TNFSF15: variants seen among roughly 807,000 people sequenced by gnomAD.
TNFSF15 encodes the protein tumor necrosis factor ligand superfamily member 15.
In TNFSF15, 15 loss-of-function variants were observed where a neutral mutation model predicts 26.4. The observed-to-expected ratio is 0.57, with a 90% confidence interval of 0.38 to 0.87. The LOEUF (loss-of-function observed/expected upper bound fraction) is 0.87. Among genes scored for constraint, TNFSF15 ranks in the 40% least tolerant of loss-of-function variants. TNFSF15 has a pLI of 0.00. For missense variants in TNFSF15, 290 were observed against 306.1 expected, an observed-to-expected ratio of 0.95 and a Z score of 0.39; for synonymous variants, 116 against 115.0, an observed-to-expected ratio of 1.01 and a Z score of -0.06.
rs1482384432 is a variant in TNFSF15 at position 114,790,367 on chromosome 9, A to C, written c.*85T>G. ...TGCCCCCTACTCCCGGCCCCAAGAAAACCCCTGGTTATAATTACATTTGAA... is the reference window on the plus strand; with the variant it reads ...TGCCCCCTACTCCCGGCCCCAAGAACACCCCTGGTTATAATTACATTTGAA... On this transcript the variant is annotated 3_prime_UTR_variant, in exon 4 of 4. Coordinates refer to ENST00000374045, the MANE Select transcript of TNFSF15 (RefSeq NM_005118.4). The C allele has an allele frequency of 9.3e-6, 13 of 1,395,242 alleles. No homozygotes were observed. The highest frequency in any genetic ancestry group is 1.2e-5 in the Non-Finnish European group (12 of 1,028,594). The allele number at this position is 1,395,242 out of a possible 1,614,324, so 86.4% of individuals were successfully genotyped here. A position where few individuals can be genotyped will look rare whatever the true frequency, so the allele number is the denominator to read the frequency against.
intron 1 of TNFSF15, among the ~76,000 whole-genome samples, chr9:114,800,114 C>T (rs1437117481): frequency 1.3e-5 from 2 of 151,894 alleles, no homozygotes; most frequent in Admixed American, 6.6e-5. Context: ...TAAGAGGGCT[C>T]ATCCCAGGTG....
At chr9:114,800,665 A>G (rs944824224) in intron 1 of TNFSF15, among the ~76,000 whole-genome samples, 3 of 152,224 alleles carry the variant, frequency 2.0e-5, no homozygotes, top group Non-Finnish European at 4.4e-5. Context: ...AACTGAGGTG[A>G]TGCATGTAGT....
Position 114,790,801 on chromosome 9 carries a change from T to C in TNFSF15, c.407A>G (p.Asn136Ser), listed in dbSNP as rs1829585554. Reference sequence around the variant, plus strand: ...CGACTCTGGGATCAGCAGGAATTTGTTGGTATAGTTCATTCGGTTCTTGGT... The same window carrying C: ...CGACTCTGGGATCAGCAGGAATTTGCTGGTATAGTTCATTCGGTTCTTGGT... ...AFTKNRMNYTNKFLLIPESGD... is the reference protein window; with the variant it reads ...AFTKNRMNYTSKFLLIPESGD... Residue 136 changes from asparagine to serine, a missense_variant, in exon 4 of 4, where the codon AAC becomes AGC. This residue lies in a region of TNFSF15 where 179 missense variants were observed against 165.9 expected (regional missense o/e 1.08). Coordinates refer to ENST00000374045, the MANE Select transcript of TNFSF15 (RefSeq NM_005118.4). 6.2e-7 allele frequency: 1 copy of C among 1,613,998 alleles called. No individual in the cohort carries two copies. Among genetic ancestry groups the C allele is most frequent in the African/African-American group, 1.3e-5 (1 of 74,900 alleles).
At chr9:114,799,015 C>T (rs1228214034) in intron 1 of TNFSF15, among the ~76,000 whole-genome samples, 1 of 152,218 alleles carries the variant, frequency 6.6e-6, no homozygotes, top group Non-Finnish European at 1.5e-5. Context: ...TTTGTCTCTT[C>T]CTTCTGCTTC....
rs967050983 is a variant in TNFSF15, at chr9:114,795,014, A to G, written c.211-1446T>C. Among the ~76,000 whole-genome samples the G allele has an allele frequency of 4.6e-5, 7 of 152,172 alleles. No individual in the cohort carries two copies. The South Asian group carries it at 1.2e-3, about 27-fold the overall frequency. ...TTAGGAACTATATATTATACTGTAC[A>G]TTACAAAGTAGCTAGAAGAGAAAAC... is the stretch of plus-strand genomic sequence containing the variant. On this transcript the variant is annotated intron_variant, in intron 1 of 3. Transcript: ENST00000374045.
Position 114,799,711 on chromosome 9 carries a change from G to A in TNFSF15, c.210+6092C>T, listed in dbSNP as rs145632773. On this transcript the variant is annotated intron_variant, in intron 1 of 3. Coordinates refer to ENST00000374045, the MANE Select transcript of TNFSF15 (RefSeq NM_005118.4). ...CTGCAGTGTATGCTCCATTGGGTGC[G>A]GATGCAGGAGCTCTCCAAGCTGGCC... Among the ~76,000 whole-genome samples the A allele has an allele frequency of 1.6e-3, 243 of 152,284 alleles. 1 individual carries two copies. The highest frequency in any genetic ancestry group is 3.2e-3 in the African/African-American group (133 of 41,552).
intron 3 of TNFSF15, chr9:114,792,057 C>T (rs79627778): frequency 1.2e-3 from 271 of 233,712 alleles, no homozygotes; most frequent in African/African-American, 5.9e-3. Context: ...CCTTTGGAAC[C>T]CCCCCACAGG....
intron 1 of TNFSF15, among the ~76,000 whole-genome samples, chr9:114,801,383 T>C (rs1053801595): frequency 1.3e-5 from 2 of 151,808 alleles, no homozygotes; most frequent in African/African-American, 4.8e-5. Context: ...GAGGAATTAG[T>C]GGGGGTTGGG....
rs77985020 is a variant in TNFSF15, at chr9:114,797,395, C to T, written c.211-3827G>A. On this transcript the variant is annotated intron_variant, in intron 1 of 3. Transcript: ENST00000374045. ...TGAAGACTACAACATTCCAAGAGTCCGCAAGAAGGACGTCATTTGAGACTC... is the reference window on the plus strand; with the variant it reads ...TGAAGACTACAACATTCCAAGAGTCTGCAAGAAGGACGTCATTTGAGACTC... 1.8e-3 allele frequency among the ~76,000 whole-genome samples: 268 copies of T among 152,250 alleles called. 1 individual carries two copies. Among genetic ancestry groups the T allele is most frequent in the African/African-American group, 5.8e-3 (242 of 41,534 alleles).
intron 1 of TNFSF15, 73 bp downstream of exon 1, chr9:114,805,730 G>C: frequency 7.0e-7 from 1 of 1,429,286 alleles, no homozygotes; most frequent in Non-Finnish European, 9.7e-7. Flanking sequence ...CCTCTGTCCA[G>C]AGCTGAAATA....
intron 1 of TNFSF15, among the ~76,000 whole-genome samples, chr9:114,800,164 G>A (rs1281035011): frequency 6.6e-6 from 1 of 152,124 alleles, no homozygotes; most frequent in African/African-American, 2.4e-5. Context: ...TGTCTGCTGA[G>A]CATCTATTCT....
chr9:114,793,832 A>G (rs961985972), intron 1 of TNFSF15, among the ~76,000 whole-genome samples: 1 of 151,884 alleles, frequency 6.6e-6, no homozygotes, highest in African/African-American at 2.4e-5. Context: ...TTCTTGAGAG[A>G]TTTTCTCGTT....
chr9:114,804,323 A>T (rs1239079335), intron 1 of TNFSF15, among the ~76,000 whole-genome samples: 1 of 152,144 alleles, frequency 6.6e-6, no homozygotes, highest in Non-Finnish European at 1.5e-5. Context: ...GCATGTCTCC[A>T]TCTCACCTTC....
chr9:114,788,824 G>A lies in TNFSF15; in HGVS notation c.*1628C>T, dbSNP rs1019579783. 6.6e-6 allele frequency: 1 copy of A among 152,170 alleles called. No homozygotes were observed. The highest frequency in any genetic ancestry group is 2.4e-5 in the African/African-American group (1 of 41,448). 9.4% of individuals were successfully genotyped at this position (152,170 alleles called of 1,614,324 possible). A position where few individuals can be genotyped will look rare whatever the true frequency, so the allele number is the denominator to read the frequency against. On this transcript the variant is annotated 3_prime_UTR_variant, in exon 4 of 4. Coordinates refer to ENST00000374045, the MANE Select transcript of TNFSF15 (RefSeq NM_005118.4). ...TTTGCAGACAAGTCAACAAAGGCTA[G>A]GAGAACAGAGCTGCCTCTCCTGCCC...
rs545031981 is a variant in TNFSF15, at chr9:114,804,585, G to A, written c.210+1218C>T. ...CAGAGTCCCAGAGCACCAACTGGGC[G>A]CTGCAGTTTGACTTCCAGCAGAAAC... On this transcript the variant is annotated intron_variant, in intron 1 of 3. Transcript: ENST00000374045. Among the ~76,000 whole-genome samples the A allele has an allele frequency of 2.0e-5, 3 of 152,322 alleles. No individual in the cohort carries two copies. In the South Asian group the frequency reaches 6.2e-4, roughly 32 times the overall value.
At chr9:114,798,123 G>T (rs1352060092) in intron 1 of TNFSF15, among the ~76,000 whole-genome samples, 1 of 152,182 alleles carries the variant, frequency 6.6e-6, no homozygotes, top group Admixed American at 6.5e-5. Flanking sequence ...GGCCTCTAAA[G>T]GTCTTCATCA....
chr9:114,805,853 G>A lies in TNFSF15; in HGVS notation c.160C>T (p.Leu54=). The change falls in exon 1 of 4, where the codon CTG becomes TTG. Residue 54 remains leucine, a synonymous_variant. Transcript: ENST00000374045. ...LPFLAGLTTY[L]LVSQLRAQGE... ...TGGGCCCGGAGCTGGCTGACAAGCAGGTATGTGGTGAGTCCTGCAAGGAAG... is the reference window on the plus strand; with the variant it reads ...TGGGCCCGGAGCTGGCTGACAAGCAAGTATGTGGTGAGTCCTGCAAGGAAG... 6.2e-7 allele frequency: 1 copy of A among 1,613,968 alleles called. No individual in the cohort carries two copies. Among genetic ancestry groups the A allele is most frequent in the Admixed American group, 1.7e-5 (1 of 60,036 alleles).
At chr9:114,792,485 G>A (rs1344231939) in intron 2 of TNFSF15, 31 bp from the exon 3 acceptor site, 1 of 1,613,904 alleles carries the variant, frequency 6.2e-7, no homozygotes, top group African/African-American at 1.3e-5. Flanking sequence ...TGCTTTGTAT[G>A]AGACAAAGGG....
In TNFSF15 at chr9:114,785,632, AT is replaced by A. The variant is rs1410020723; in HGVS notation, c.*4819del. 1 of 152,160 alleles carries A rather than the reference AT, an allele frequency of 6.6e-6. No individual in the cohort carries two copies. Among genetic ancestry groups the A allele is most frequent in the East Asian group, 1.9e-4 (1 of 5,198 alleles). The allele number at this position is 152,160 out of a possible 1,614,324, so 9.4% of individuals were successfully genotyped here. A position where few individuals can be genotyped will look rare whatever the true frequency, so the allele number is the denominator to read the frequency against. On this transcript the variant is annotated 3_prime_UTR_variant, in exon 4 of 4. Coordinates refer to ENST00000374045, the MANE Select transcript of TNFSF15 (RefSeq NM_005118.4). ...GACTGAGAAATAGCATCCTAGAAAA[AT>A]TCTATTTTGGAGTAGAAAATTCCTT...
Sources: allele counts gnomAD v4.1 joint callset (sites outside exome capture counted in the v4.1 genomes callset), GRCh38; gene constraint gnomAD v4.1.1; regional missense constraint gnomAD v4.1.1; transcripts MANE v1.5; gene names NCBI Gene and HGNC (gene_info 2026-07-23, HGNC 2026-07-21).